The following PRTG variants were observed in gnomAD, a reference collection of about 807,000 sequenced individuals.
The protein encoded by PRTG is protogenin.
In PRTG, 67 loss-of-function variants were observed where a neutral mutation model predicts 122.5. The ratio of observed to expected loss-of-function variants is 0.55; its 90% confidence interval spans 0.45 to 0.67. The LOEUF (loss-of-function observed/expected upper bound fraction) is 0.67, where lower values mean the gene tolerates loss of function less well. Among genes scored for constraint, PRTG ranks in the 30% least tolerant of loss-of-function variants. The probability of loss-of-function intolerance (pLI) is 0.00; values close to 1 mark genes in which losing one functional copy is unlikely to be tolerated. For missense variants in PRTG, 1,435 were observed against 1,415.4 expected (o/e 1.01, Z -0.22); for synonymous variants, 554 against 501.1 (o/e 1.11, Z -1.41).
intron 11 of PRTG, among the ~76,000 whole-genome samples, chr15:55,643,411 T>C (rs1280755550): frequency 6.6e-6 from 1 of 152,224 alleles, no homozygotes; most frequent in East Asian, 1.9e-4. Flanking sequence ...ATCCATTTTA[T>C]GTGTAAGCTG....
intron 2 of PRTG, chr15:55,738,726 G>A (rs2031514066): frequency 6.4e-6 from 2 of 311,940 alleles, no homozygotes; most frequent in Non-Finnish European, 1.2e-5. Context: ...GGGAAGGAGG[G>A]AAGGAAGGCA....
At chr15:55,648,283 A>T (rs1184613071) in intron 11 of PRTG, among the ~76,000 whole-genome samples, 2 of 152,196 alleles carry the variant, frequency 1.3e-5, no homozygotes, top group African/African-American at 2.4e-5. Context: ...GGTGTTTCTT[A>T]TCCTCAATGA....
chr15:55,620,862 T>C (rs2059162491), intron 18 of PRTG, 95 bp from the exon 19 acceptor site: 1 of 1,023,932 alleles, frequency 9.8e-7, no homozygotes, highest in African/African-American at 1.7e-5. Flanking sequence ...ACTATATGCT[T>C]CACATTTCCC....
At chr15:55,626,415 A>ATAAAAGAAAAG in intron 17 of PRTG, among the ~76,000 whole-genome samples, 1 of 151,140 alleles carries the variant, frequency 6.6e-6, no homozygotes, top group East Asian at 2.0e-4. Context: ...TCTCAAAAAA[A>ATAAAAGAAAAG]AAAAAAAGGA....
At chr15:55,739,650 A>G (rs1428283832) in intron 2 of PRTG, among the ~76,000 whole-genome samples, 1 of 152,214 alleles carries the variant, frequency 6.6e-6, no homozygotes, top group East Asian at 1.9e-4. Context: ...TCCTAGGCCT[A>G]TCTTTACACG....
chr15:55,667,863 A>T (rs2059447534), intron 11 of PRTG, among the ~76,000 whole-genome samples: 1 of 152,158 alleles, frequency 6.6e-6, no homozygotes, highest in South Asian at 2.1e-4. Context: ...AGGCAGGTGG[A>T]TGGCTTGAGT....
chr15:55,639,400 A>G (rs2059276856), intron 13 of PRTG, among the ~76,000 whole-genome samples: 1 of 152,206 alleles, frequency 6.6e-6, no homozygotes, highest in Non-Finnish European at 1.5e-5. Flanking sequence ...CTTCTTGCCT[A>G]ATCTTGTTGC....
chr15:55,685,350 T>C (rs1248989993), intron 2 of PRTG, among the ~76,000 whole-genome samples: 2 of 152,270 alleles, frequency 1.3e-5, no homozygotes, highest in Middle Eastern at 3.4e-3. Flanking sequence ...CTTAGGAGGA[T>C]GGACTTCCCA....
intron 4 of PRTG, chr15:55,681,216 A>G (rs2059536092): frequency 6.6e-6 from 1 of 152,098 alleles, no homozygotes; most frequent in African/African-American, 2.4e-5. Flanking sequence ...ATTTATTTAT[A>G]TAATTATCTA....
At chr15:55,653,465 T>A (rs2059364289) in intron 11 of PRTG, among the ~76,000 whole-genome samples, 1 of 106,640 alleles carries the variant, frequency 9.4e-6, no homozygotes, top group African/African-American at 5.0e-5. Flanking sequence ...TCATCTCTAT[T>A]TTTTTTTTTT....
intron 2 of PRTG, among the ~76,000 whole-genome samples, chr15:55,719,330 T>C (rs1361574181): frequency 6.6e-6 from 1 of 152,146 alleles, no homozygotes; most frequent in Admixed American, 6.5e-5. Flanking sequence ...CAAAAAACAG[T>C]GTGTTTGTTT....
At position 55,727,447 on chromosome 15, in the gene PRTG, A is replaced by G. The variant is rs373387970; in HGVS notation, c.397+12935T>C. Among the ~76,000 whole-genome samples the G allele has an allele frequency of 5.3e-5, 8 of 152,216 alleles. No individual in the cohort carries two copies. In the East Asian group the frequency reaches 7.7e-4, roughly 15 times the overall value. On this transcript the variant is annotated intron_variant, in intron 2 of 19. Coordinates refer to ENST00000389286, the MANE Select transcript of PRTG (RefSeq NM_173814.6). ...CACAAATTACCTAAACTGACTGAAG[A>G]AGAAATATAAAATTACAACAGGCTT...
At chr15:55,735,317 G>A (rs1001592133) in intron 2 of PRTG, among the ~76,000 whole-genome samples, 1 of 152,088 alleles carries the variant, frequency 6.6e-6, no homozygotes, top group Non-Finnish European at 1.5e-5. Context: ...CCTTGTTCAT[G>A]AGAGATAAAA....
At chr15:55,694,301 C>G (rs1373652858) in intron 2 of PRTG, among the ~76,000 whole-genome samples, 1 of 152,086 alleles carries the variant, frequency 6.6e-6, no homozygotes, top group East Asian at 1.9e-4. Context: ...CTATGGGGCA[C>G]AGATTGCAGT....
intron 11 of PRTG, among the ~76,000 whole-genome samples, chr15:55,648,475 AACACC>A (rs1242488369): frequency 6.6e-6 from 1 of 152,178 alleles, no homozygotes; most frequent in African/African-American, 2.4e-5. Context: ...CATATTTCTA[AACACC>A]ACACAACAAA....
At chr15:55,651,217 C>G (rs1238714498) in intron 11 of PRTG, among the ~76,000 whole-genome samples, 1 of 151,996 alleles carries the variant, frequency 6.6e-6, no homozygotes, top group South Asian at 2.1e-4. Flanking sequence ...CCTTTCCCCC[C>G]GCCCCCACAA....
intron 11 of PRTG, among the ~76,000 whole-genome samples, chr15:55,649,064 T>A (rs559938163): frequency 8.8e-4 from 130 of 148,042 alleles, no homozygotes; most frequent in Non-Finnish European, 1.5e-3. Context: ...GCCACTGCAC[T>A]CCAGACTGAG....
Position 55,677,890 on chromosome 15 carries a change from T to C in PRTG, c.1288A>G (p.Met430Val), listed in dbSNP as rs773854517. Reference sequence around the variant, plus strand: ...GCTAAAAGAATGGCTGAGCTTGACATGGTTTCAGCATGTACATTATAGGGA... The same window carrying C: ...GCTAAAAGAATGGCTGAGCTTGACACGGTTTCAGCATGTACATTATAGGGA... ...SAPYNVHAETMSSSAILLAWE... is the reference protein window; with the variant it reads ...SAPYNVHAETVSSSAILLAWE... Residue 430 changes from methionine (M) to valine (V), a missense_variant, in exon 8 of 20, where the codon ATG becomes GTG. Met to Val is a conservative substitution (Grantham distance 21, BLOSUM62 1). Transcript: ENST00000389286. 10 of 1,613,908 alleles carry C rather than the reference T, an allele frequency of 6.2e-6. No individual in the cohort carries two copies. In the East Asian group the frequency reaches 1.8e-4, roughly 29 times the overall value.
At chr15:55,655,222 C>T (rs2059373316) in intron 11 of PRTG, 1 of 152,124 alleles carries the variant, frequency 6.6e-6, no homozygotes, top group Non-Finnish European at 1.5e-5. Flanking sequence ...ATCCAAGCAG[C>T]TGCATATTAT....
Sources: gnomAD v4.1 joint callset for allele counts (sites outside exome capture counted in the v4.1 genomes callset) on GRCh38, gnomAD v4.1.1 for gene constraint, MANE v1.5 for transcripts, NCBI Gene and HGNC (gene_info 2026-07-23, HGNC 2026-07-21) for gene names.